Variants in GABRB2 observed in about 807,000 individuals in gnomAD.
GABRB2 encodes gamma-aminobutyric acid type A receptor subunit beta2, also known as gamma-aminobutyric acid receptor subunit beta-2.
GABRB2 carries 16 observed loss-of-function variants against 54.7 expected under a neutral mutation model. That is an observed-to-expected ratio of 0.29 (90% CI 0.20 to 0.44). The LOEUF (loss-of-function observed/expected upper bound fraction) is 0.44. Ranked by LOEUF, GABRB2 falls within the 20% of genes least tolerant of loss-of-function variation. GABRB2 has a pLI of 1.00. For missense variants in GABRB2, 355 were observed against 644.0 expected (o/e 0.55, Z 4.86); for synonymous variants, 244 against 233.8 (o/e 1.04, Z -0.40).
chr5:161,509,158 T>C (rs1183595405), intron 3 of GABRB2, among the ~76,000 whole-genome samples: 1 of 149,812 alleles, frequency 6.7e-6, no homozygotes, highest in Non-Finnish European at 1.5e-5. Context: ...AATTCACCCT[T>C]TGATTAAAGC....
chr5:161,298,196 G>A (rs1021319965), intron 9 of GABRB2, among the ~76,000 whole-genome samples: 3 of 152,150 alleles, frequency 2.0e-5, no homozygotes, highest in Non-Finnish European at 2.9e-5. Context: ...CAGATGAATA[G>A]ATTCCAAACA....
chr5:161,333,267 T>C (rs982930153), intron 7 of GABRB2, among the ~76,000 whole-genome samples: 17 of 152,224 alleles, frequency 1.1e-4, no homozygotes, highest in African/African-American at 4.1e-4. Context: ...CCATTCCCCA[T>C]GCAAGACACT....
At chr5:161,546,856 T>C (rs1761004315), upstream of GABRB2, 2 of 989,816 alleles carry the variant, frequency 2.0e-6, no homozygotes, top group Middle Eastern at 3.4e-4. Flanking sequence ...ATATGTATAA[T>C]ACATACATAT....
intron 3 of GABRB2, among the ~76,000 whole-genome samples, chr5:161,521,397 C>T (rs192314086): frequency 1.3e-5 from 2 of 151,580 alleles, no homozygotes; most frequent in African/African-American, 2.4e-5. Context: ...ATTTACGAAC[C>T]ATATAACTTT....
At chr5:161,436,202 T>C (rs955434081) in intron 4 of GABRB2, among the ~76,000 whole-genome samples, 2 of 152,118 alleles carry the variant, frequency 1.3e-5, no homozygotes, top group Non-Finnish European at 2.9e-5. Flanking sequence ...GTATAGTGCA[T>C]GGCAGAAAAT....
At chr5:161,490,144 T>C (rs937725318) in intron 3 of GABRB2, among the ~76,000 whole-genome samples, 4 of 151,778 alleles carry the variant, frequency 2.6e-5, no homozygotes, top group Non-Finnish European at 4.4e-5. Context: ...CACTTACCTA[T>C]ACTTACTGTC....
chr5:161,533,301 A>G (rs1760523152), intron 3 of GABRB2, among the ~76,000 whole-genome samples: 1 of 152,182 alleles, frequency 6.6e-6, no homozygotes, highest in African/African-American at 2.4e-5. Context: ...TTCAAATAAA[A>G]TGCACAAAAG....
chr5:161,359,468 G>A (rs960231225), intron 5 of GABRB2, among the ~76,000 whole-genome samples: 1 of 126,016 alleles, frequency 7.9e-6, no homozygotes, highest in East Asian at 2.3e-4. Flanking sequence ...CACACACACA[G>A]AGATTGCTCA....
chr5:161,528,732 T>C (rs975168518), intron 3 of GABRB2, among the ~76,000 whole-genome samples: 1 of 151,928 alleles, frequency 6.6e-6, no homozygotes, highest in Non-Finnish European at 1.5e-5. Flanking sequence ...ATTATACATA[T>C]GGTACATCTA....
chr5:161,497,905 C>T (rs966343041), intron 3 of GABRB2, among the ~76,000 whole-genome samples: 1 of 152,102 alleles, frequency 6.6e-6, no homozygotes, highest in African/African-American at 2.4e-5. Flanking sequence ...TGTCACTTGT[C>T]TATCTCTTTG....
chr5:161,496,684 A>G lies in GABRB2; in HGVS notation c.238-36840T>C, dbSNP rs148693096. Among the ~76,000 whole-genome samples, 726 of 152,186 alleles carry G rather than the reference A, an allele frequency of 4.8e-3. 7 individuals are homozygous for G. The highest frequency in any genetic ancestry group is 0.017 in the African/African-American group (700 of 41,554). On this transcript the variant is annotated intron_variant, in intron 3 of 9. Coordinates refer to ENST00000393959, the MANE Select transcript of GABRB2 (RefSeq NM_001371727.1). Reference sequence around the variant, plus strand: ...TGTGATATTTTATTTTTAAAATTTAAAACGTATCTTAGGTATATTCGACAT... The same window carrying G: ...TGTGATATTTTATTTTTAAAATTTAGAACGTATCTTAGGTATATTCGACAT...
chr5:161,371,910 TG>T (rs1329737989), intron 5 of GABRB2, among the ~76,000 whole-genome samples: 1 of 152,020 alleles, frequency 6.6e-6, no homozygotes, highest in East Asian at 1.9e-4. Context: ...TTTTTATTTT[TG>T]TAGAGACAGG....
At chr5:161,409,275 A>G (rs560068518) in intron 5 of GABRB2, among the ~76,000 whole-genome samples, 13 of 152,230 alleles carry the variant, frequency 8.5e-5, no homozygotes, top group Admixed American at 5.9e-4. Flanking sequence ...TTGATTCCCT[A>G]TAGTTGTAAA....
chr5:161,496,321 A>G (rs1030822793), intron 3 of GABRB2, among the ~76,000 whole-genome samples: 2 of 152,144 alleles, frequency 1.3e-5, no homozygotes, highest in East Asian at 1.9e-4. Flanking sequence ...GTAGCTACAC[A>G]TTATTTTGAT....
intron 4 of GABRB2, among the ~76,000 whole-genome samples, chr5:161,436,546 G>T (rs76118794): frequency 2.8e-5 from 4 of 144,628 alleles, no homozygotes; most frequent in Non-Finnish European, 6.1e-5. Context: ...AAAAAAAAAA[G>T]AGAGAGAATG....
intron 5 of GABRB2, among the ~76,000 whole-genome samples, chr5:161,399,269 G>GCCCACTCTGC: frequency 6.6e-6 from 1 of 152,080 alleles, no homozygotes; most frequent in Non-Finnish European, 1.5e-5. Context: ...AATGACCTCA[G>GCCCACTCTGC]TTTAAATCCC....
At chr5:161,332,845 A>G (rs1451576474) in intron 7 of GABRB2, among the ~76,000 whole-genome samples, 1 of 152,190 alleles carries the variant, frequency 6.6e-6, no homozygotes, top group Non-Finnish European at 1.5e-5. Flanking sequence ...AAACAGCTAC[A>G]GAATAAAAAA....
At chr5:161,510,049 C>T (rs540390084) in intron 3 of GABRB2, among the ~76,000 whole-genome samples, 1 of 151,934 alleles carries the variant, frequency 6.6e-6, no homozygotes, top group South Asian at 2.1e-4. Context: ...TGTTTTGATA[C>T]AGGCATGCAA....
chr5:161,546,703 G>A lies in GABRB2; in HGVS notation c.-60C>T. ...GAAGAGAGGAGATCCAACTTAGTCT[G>A]CCCAGTGCAGTAATTCTAATGTGAG... is the stretch of plus-strand genomic sequence containing the variant. On this transcript the variant is annotated 5_prime_UTR_variant, in exon 1 of 10. Transcript: ENST00000393959. 1.9e-6 allele frequency: 3 copies of A among 1,552,496 alleles called. No homozygotes were observed. Among genetic ancestry groups the A allele is most frequent in the South Asian group, 1.2e-5 (1 of 84,184 alleles).
Sources: gnomAD v4.1 joint callset for allele counts (sites outside exome capture counted in the v4.1 genomes callset) on GRCh38, gnomAD v4.1.1 for gene constraint, MANE v1.5 for transcripts, NCBI Gene and HGNC (gene_info 2026-07-23, HGNC 2026-07-21) for gene names.